The following SLC5A12 variants were observed in gnomAD, a reference collection of about 807,000 sequenced individuals.
The protein encoded by SLC5A12 is solute carrier family 5 member 12, also known as sodium-coupled monocarboxylate transporter 2.
SLC5A12 carries 46 observed loss-of-function variants against 72.7 expected under a neutral mutation model. The ratio of observed to expected loss-of-function variants is 0.63; its 90% CI spans 0.50 to 0.81. SLC5A12 has a LOEUF of 0.81. Among genes scored for constraint, SLC5A12 ranks in the 30% least tolerant of loss-of-function variants. SLC5A12 has a pLI of 0.00. For missense variants in SLC5A12, 683 were observed against 740.7 expected, an observed-to-expected ratio of 0.92 and a Z score of 0.90; for synonymous variants, 275 against 264.4, an observed-to-expected ratio of 1.04 and a Z score of -0.39.
intron 9 of SLC5A12, 117 bp downstream of exon 9, chr11:26,692,372 A>G (rs1590721296): frequency 2.9e-6 from 2 of 697,180 alleles, no homozygotes; most frequent in Non-Finnish European, 2.6e-6. Flanking sequence ...GATTCTTCAC[A>G]TATCTCACAG....
At chr11:26,712,492 T>C in intron 2 of SLC5A12, 149 bp downstream of exon 2, 3 of 464,172 alleles carry the variant, frequency 6.5e-6, no homozygotes, top group Non-Finnish European at 1.2e-5. Flanking sequence ...TTGTTATTTT[T>C]AGTACATATT....
At position 26,703,528 on chromosome 11, in the gene SLC5A12, T is replaced by C; in HGVS notation, c.821+3A>G. On this transcript the variant is annotated splice_donor_region_variant and intron_variant, in intron 6 of 14. Coordinates refer to ENST00000396005, the MANE Select transcript of SLC5A12 (RefSeq NM_178498.4). ...TTAAAATTTTTCTTGACTGAGAACTTACAGCTTAGCATGCTTTTCTGTTTT... is the reference window on the plus strand; with the variant it reads ...TTAAAATTTTTCTTGACTGAGAACTCACAGCTTAGCATGCTTTTCTGTTTT... 6.2e-7 allele frequency: 1 copy of C among 1,613,172 alleles called. No individual in the cohort carries two copies. The highest frequency in any genetic ancestry group is 1.1e-5 in the South Asian group (1 of 91,060).
rs74856457 is a variant in SLC5A12 at position 26,688,171 on chromosome 11, T to G, written c.1154-1627A>C. 2.8e-3 allele frequency among the ~76,000 whole-genome samples: 424 copies of G among 152,320 alleles called. 2 individuals are homozygous for G. Among genetic ancestry groups the G allele is most frequent in the African/African-American group, 0.01 (416 of 41,572 alleles). On this transcript the variant is annotated intron_variant, in intron 9 of 14. Transcript: ENST00000396005. ...ACAGCAGCATGCTAGGCAGGAAGTT[T>G]AGGAGAAATTTGTGGAAATTTCATA...
At chr11:26,687,078 T>G (rs1854554545) in intron 9 of SLC5A12, among the ~76,000 whole-genome samples, 4 of 152,302 alleles carry the variant, frequency 2.6e-5, no homozygotes, top group Non-Finnish European at 5.9e-5. Flanking sequence ...TGGTCCTTAG[T>G]TACATTACAT....
chr11:26,687,336 T>C (rs987166184), intron 9 of SLC5A12, among the ~76,000 whole-genome samples: 2 of 152,196 alleles, frequency 1.3e-5, no homozygotes, highest in African/African-American at 2.4e-5. Flanking sequence ...AGGCAAAAAG[T>C]AGCAGATTGA....
intron 11 of SLC5A12, among the ~76,000 whole-genome samples, chr11:26,682,009 C>T (rs1473926083): frequency 6.6e-6 from 1 of 151,766 alleles, no homozygotes; most frequent in African/African-American, 2.4e-5. Context: ...AATACTTGTG[C>T]CTTGGTCTAA....
intron 12 of SLC5A12, among the ~76,000 whole-genome samples, chr11:26,680,373 ATATATATATGTATATATATT>A (rs1854377699): frequency 4.5e-5 from 4 of 89,582 alleles, no homozygotes; most frequent in Admixed American, 3.2e-4. Flanking sequence ...ATATATATTC[ATATATATATGTATATATATT>A]CATATATATA....
At chr11:26,713,295 G>C (rs952367238) in intron 1 of SLC5A12, among the ~76,000 whole-genome samples, 4 of 152,028 alleles carry the variant, frequency 2.6e-5, no homozygotes, top group African/African-American at 9.7e-5. Context: ...CCTTTCTTAT[G>C]TCACTAACCT....
chr11:26,686,394 T>A, intron 10 of SLC5A12, 83 bp downstream of exon 10: 2 of 1,246,180 alleles, frequency 1.6e-6, no homozygotes, highest in South Asian at 1.2e-5. Flanking sequence ...AGCCTTTGGA[T>A]CTTGGAGGAA....
At position 26,669,972 on chromosome 11, in the gene SLC5A12, TTTCACTTC is replaced by T. The variant is rs1380862876; in HGVS notation, c.*1122_*1129del. The T allele has an allele frequency of 6.6e-6, 1 of 152,158 alleles. No individual in the cohort carries two copies. Among genetic ancestry groups the T allele is most frequent in the Non-Finnish European group, 1.5e-5 (1 of 68,030 alleles). The allele number at this position is 152,158 out of a possible 1,614,324, so 9.4% of individuals were successfully genotyped here. A position where few individuals can be genotyped will look rare whatever the true frequency, so the allele number is the denominator to read the frequency against. On this transcript the variant is annotated 3_prime_UTR_variant, in exon 15 of 15. Coordinates refer to ENST00000396005, the MANE Select transcript of SLC5A12 (RefSeq NM_178498.4). The stretch of plus-strand genomic sequence containing the variant: ...GGTTCTTTCTTTTACCTTTTCAGAA[TTTCACTTC>T]TTCACTTCTTCCAAAAATCTTTCAC...
Position 26,671,008 on chromosome 11 carries a change from T to C in SLC5A12, c.*94A>G. Reference sequence around the variant, plus strand: ...CCCTGTCTTCTAGCAATGGCAACTATACATATCTACTAACAAGTAGGCAAG... The same window carrying C: ...CCCTGTCTTCTAGCAATGGCAACTACACATATCTACTAACAAGTAGGCAAG... On this transcript the variant is annotated 3_prime_UTR_variant, in exon 15 of 15. Transcript: ENST00000396005. 2.5e-6 allele frequency: 3 copies of C among 1,203,520 alleles called. No individual in the cohort carries two copies. 74.6% of individuals were successfully genotyped at this position (1,203,520 alleles called of 1,614,324 possible).
At chr11:26,712,560 G>A (rs966508992) in intron 2 of SLC5A12, 81 bp downstream of exon 2, 3 of 996,952 alleles carry the variant, frequency 3.0e-6, no homozygotes, top group Non-Finnish European at 4.4e-6. Context: ...TCCTTTAGCT[G>A]AGTTTATTGC....
intron 10 of SLC5A12, among the ~76,000 whole-genome samples, chr11:26,685,178 T>C (rs953981451): frequency 1.3e-5 from 2 of 152,218 alleles, no homozygotes; most frequent in African/African-American, 2.4e-5. Flanking sequence ...TAAGTAGTCA[T>C]TGGAAGGATC....
At chr11:26,697,080 G>T (rs1003126137) in intron 8 of SLC5A12, 84 bp downstream of exon 8, 12 of 1,156,808 alleles carry the variant, frequency 1.0e-5, no homozygotes, top group South Asian at 9.4e-5. Flanking sequence ...CACAGTGAGT[G>T]CTTGCTAAAT....
Position 26,703,921 on chromosome 11 carries a change from T to C in SLC5A12, c.552A>G (p.Thr184=). The change falls in exon 5 of 15, where the codon ACA becomes ACG. Residue 184 remains threonine, a synonymous_variant. Coordinates refer to ENST00000396005, the MANE Select transcript of SLC5A12 (RefSeq NM_178498.4). Reference sequence around the variant, plus strand: ...TCATGACAACCATCTGAAATGCATCTGTCCACACCACTGCTTTTAATCCTC... The same window carrying C: ...TCATGACAACCATCTGAAATGCATCCGTCCACACCACTGCTTTTAATCCTC... ...TLGGLKAVVW[T]DAFQMVVMIV... 1 of 1,613,852 alleles carries C rather than the reference T, an allele frequency of 6.2e-7. No individual in the cohort carries two copies. Among genetic ancestry groups the C allele is most frequent in the Non-Finnish European group, 8.5e-7 (1 of 1,179,816 alleles).
intron 2 of SLC5A12, 40 bp downstream of exon 2, chr11:26,712,601 C>T: frequency 6.9e-7 from 1 of 1,447,776 alleles, no homozygotes; most frequent in Non-Finnish European, 9.4e-7. Flanking sequence ...TATCTAGTAA[C>T]CTCACAGTTT....
At chr11:26,704,447 G>T (rs982154508) in intron 4 of SLC5A12, among the ~76,000 whole-genome samples, 2 of 152,174 alleles carry the variant, frequency 1.3e-5, no homozygotes, top group South Asian at 2.1e-4. Flanking sequence ...AGAGGAATTT[G>T]CTCTGTGGGT....
rs748336212 is a variant in SLC5A12, at chr11:26,673,527, G to T, written c.1582C>A (p.Arg528Ser). The T allele has an allele frequency of 1.9e-6, 3 of 1,601,446 alleles. No individual in the cohort carries two copies. The highest frequency in any genetic ancestry group is 1.7e-6 in the Non-Finnish European group (2 of 1,174,524). The change falls in exon 14 of 15, where the codon CGC (arginine) becomes AGC (serine). Residue 528 changes from arginine (R) to serine (S), a missense_variant and splice_region_variant. By Grantham distance (110) the Arg-to-Ser change is moderately radical (BLOSUM62 -1). Transcript: ENST00000396005. ...AGVIISLITG[R>S]QRGEDIQPLL... is the part of the protein sequence containing the mutation. Reference sequence around the variant, plus strand: ...GGTTGAATATCCTCACCTCTTTGGCGACCTATTAACAAAAGAACAAATAGA... The same window carrying T: ...GGTTGAATATCCTCACCTCTTTGGCTACCTATTAACAAAAGAACAAATAGA...
In SLC5A12 at chr11:26,712,664, T is replaced by C. The variant is rs1855258813; in HGVS notation, c.382A>G (p.Thr128Ala). 6.3e-6 allele frequency: 10 copies of C among 1,590,560 alleles called. No individual in the cohort carries two copies. The highest frequency in any genetic ancestry group is 1.3e-5 in the African/African-American group (1 of 74,648). The change falls in exon 2 of 15, where the codon ACG (threonine) becomes GCG (alanine). Residue 128 changes from threonine (T) to alanine (A), a missense_variant. Thr to Ala is a moderately conservative substitution (Grantham distance 58, BLOSUM62 0). Coordinates refer to ENST00000396005, the MANE Select transcript of SLC5A12 (RefSeq NM_178498.4). Reference sequence around the variant, plus strand: ...ACCGTCTGTACAATGTAGATGACCGTGGCAGCATAGCGAACTGGTTTGTTG... The same window carrying C: ...ACCGTCTGTACAATGTAGATGACCGCGGCAGCATAGCGAACTGGTTTGTTG... ...RFNKPVRYAATVIYIVQTILY... is the reference protein window; with the variant it reads ...RFNKPVRYAAAVIYIVQTILY...
Sources: allele counts gnomAD v4.1 joint callset (sites outside exome capture counted in the v4.1 genomes callset), GRCh38; gene constraint gnomAD v4.1.1; transcripts MANE v1.5; gene names NCBI Gene and HGNC (gene_info 2026-07-23, HGNC 2026-07-21).